PAQR5: variants seen among roughly 807,000 people sequenced by gnomAD.
PAQR5 encodes progestin and adipoQ receptor family member 5.
PAQR5 carries 20 observed loss-of-function variants against 34.5 expected under a neutral mutation model. The ratio of observed to expected loss-of-function variants is 0.58; its 90% CI spans 0.41 to 0.84. The LOEUF (loss-of-function observed/expected upper bound fraction) is 0.84, where lower values mean the gene tolerates loss of function less well. Ranked by LOEUF, PAQR5 falls within the 40% of genes least tolerant of loss-of-function variation. The pLI, the probability that PAQR5 is intolerant of heterozygous loss-of-function variation, is 0.00. For missense variants in PAQR5, 378 were observed against 412.7 expected (o/e 0.92, Z 0.73); for synonymous variants, 131 against 155.6 (o/e 0.84, Z 1.18).
chr15:69,337,138 GA>G (rs1179519203), intron 1 of PAQR5, among the ~76,000 whole-genome samples: 2 of 152,174 alleles, frequency 1.3e-5, no homozygotes, highest in Non-Finnish European at 2.9e-5. Flanking sequence ...TTTGTTTTCA[GA>G]GTAAAGATTA....
rs117019344 is a variant in PAQR5 at position 69,376,994 on chromosome 15, C to A, written c.52-2889C>A. Among the ~76,000 whole-genome samples the A allele has an allele frequency of 2.7e-4, 41 of 152,288 alleles. No homozygotes were observed. In the East Asian group the frequency reaches 7.1e-3, roughly 26 times the overall value. Reference sequence around the variant, plus strand: ...GGGTCTGTGCTCTCCTGCAGCCCTACCCAGCCTTCTCCCTGCAGGTCACCG... The same window carrying A: ...GGGTCTGTGCTCTCCTGCAGCCCTAACCAGCCTTCTCCCTGCAGGTCACCG... On this transcript the variant is annotated intron_variant, in intron 3 of 8. Transcript: ENST00000395407.
intron 3 of PAQR5, among the ~76,000 whole-genome samples, chr15:69,362,886 C>T (rs771496577): frequency 1.1e-4 from 16 of 152,282 alleles, no homozygotes; most frequent in Middle Eastern, 3.4e-3. Context: ...TCTTCCACCA[C>T]GTCCCATCCA....
At chr15:69,338,405 A>G (rs1417904867) in intron 2 of PAQR5, among the ~76,000 whole-genome samples, 2 of 152,068 alleles carry the variant, frequency 1.3e-5, no homozygotes. Flanking sequence ...TAATTGTAGA[A>G]CTCGTAATGT....
intron 2 of PAQR5, among the ~76,000 whole-genome samples, chr15:69,349,844 G>T (rs1177225171): frequency 6.6e-6 from 1 of 151,976 alleles, no homozygotes; most frequent in Admixed American, 6.6e-5. Flanking sequence ...GTTTCACCAT[G>T]TTGGCCAGGC....
chr15:69,381,567 T>C (rs1204320576), intron 4 of PAQR5, among the ~76,000 whole-genome samples: 3 of 152,198 alleles, frequency 2.0e-5, no homozygotes, highest in East Asian at 3.9e-4. Flanking sequence ...TTTTTTGCTA[T>C]GTTACAGCTG....
At chr15:69,348,377 G>C (rs1303175391) in intron 2 of PAQR5, among the ~76,000 whole-genome samples, 1 of 152,216 alleles carries the variant, frequency 6.6e-6, no homozygotes, top group Non-Finnish European at 1.5e-5. Context: ...ACTTACCTAA[G>C]GTTGCACAGG....
At chr15:69,313,705 G>C (rs148006518) in intron 1 of PAQR5, among the ~76,000 whole-genome samples, 29 of 152,286 alleles carry the variant, frequency 1.9e-4, no homozygotes, top group African/African-American at 6.7e-4. Context: ...AGGTGTTCCC[G>C]AGAGGAGGTT....
At chr15:69,332,438 A>T (rs527571347) in intron 1 of PAQR5, among the ~76,000 whole-genome samples, 58 of 152,276 alleles carry the variant, frequency 3.8e-4, no homozygotes, top group African/African-American at 1.3e-3. Context: ...TCCAGAGGAC[A>T]GGAATTTTGG....
intron 2 of PAQR5, among the ~76,000 whole-genome samples, chr15:69,357,560 G>A (rs190926825): frequency 2.6e-5 from 4 of 152,184 alleles, no homozygotes; most frequent in Admixed American, 2.6e-4. Context: ...TACCACACTT[G>A]GCCTCAGGTA....
At chr15:69,376,846 G>A (rs1353578725) in intron 3 of PAQR5, among the ~76,000 whole-genome samples, 6 of 152,154 alleles carry the variant, frequency 3.9e-5, no homozygotes, top group South Asian at 2.1e-4. Context: ...TTTTGACGAC[G>A]TCAGTCCCCC....
rs56151928 is a variant in PAQR5 at position 69,300,937 on chromosome 15, C to CTTTCTTTCTT, written c.-277+1882_-277+1883insTTCTTTCTTT. Among the ~76,000 whole-genome samples the CTTTCTTTCTT allele has an allele frequency of 9.6e-4, 5 of 5,190 alleles. 1 individual carries two copies. Among genetic ancestry groups the CTTTCTTTCTT allele is most frequent in the Non-Finnish European group, 3.6e-3 (4 of 1,110 alleles). The allele number at this position is 5,190 out of a possible 152,430, so 3.4% of individuals were successfully genotyped here. A position where few individuals can be genotyped will look rare whatever the true frequency, so the allele number is the denominator to read the frequency against. ...CCTTTCTCTCTCTCTCTCTCTCTCT[C>CTTTCTTTCTT]TCTTTCTTTCCTTCTTTCTTTCTTT... On this transcript the variant is annotated intron_variant, in intron 1 of 8. Transcript: ENST00000395407.
chr15:69,322,805 G>GAA lies in PAQR5; in HGVS notation c.-276-14536_-276-14535insAA, dbSNP rs1566998148. The stretch of plus-strand genomic sequence containing the variant: ...AAGAAGACGAGGAAGAAGAAGAAGA[G>GAA]GAAGAGGAAGAAGAAGAAGAAGAAG... On this transcript the variant is annotated intron_variant, in intron 1 of 8. Transcript: ENST00000395407. Among the ~76,000 whole-genome samples, 122 of 21,010 alleles carry GAA rather than the reference G, an allele frequency of 5.8e-3. 27 individuals carry two copies. The highest frequency in any genetic ancestry group is 0.036 in the East Asian group (22 of 610). The allele number at this position is 21,010 out of a possible 152,430, so 13.8% of individuals were successfully genotyped here. A position where few individuals can be genotyped will look rare whatever the true frequency, so the allele number is the denominator to read the frequency against.
At chr15:69,325,470 AG>A (rs567624422) in intron 1 of PAQR5, among the ~76,000 whole-genome samples, 44 of 150,530 alleles carry the variant, frequency 2.9e-4, no homozygotes, top group African/African-American at 1.0e-3. Context: ...TTGTTAGTGC[AG>A]ATCTACACTA....
chr15:69,389,536 C>T lies in PAQR5; in HGVS notation c.386-118C>T. On this transcript the variant is annotated intron_variant, in intron 5 of 8. Coordinates refer to ENST00000395407, the MANE Select transcript of PAQR5 (RefSeq NM_017705.4). ...AGGGGGAATGGCACCAGCGAGGGCG[C>T]AGAGCCAGGACTGTGGGAATGATAA... 10 of 1,322,394 alleles carry T rather than the reference C, an allele frequency of 7.6e-6. No homozygotes were observed. The South Asian group carries it at 8.0e-5, about 11-fold the overall frequency. 81.9% of individuals were successfully genotyped at this position (1,322,394 alleles called of 1,614,324 possible).
chr15:69,379,016 C>T (rs942499386), intron 3 of PAQR5, among the ~76,000 whole-genome samples: 4 of 152,192 alleles, frequency 2.6e-5, no homozygotes, highest in African/African-American at 9.7e-5. Context: ...ATCCTGCTAC[C>T]TCAACAAATT....
intron 2 of PAQR5, among the ~76,000 whole-genome samples, chr15:69,358,127 A>C (rs1434970003): frequency 6.6e-6 from 1 of 151,994 alleles, no homozygotes; most frequent in Non-Finnish European, 1.5e-5. Flanking sequence ...TAAAGGAGGA[A>C]ATTTACTATG....
chr15:69,335,648 C>G (rs574702720), intron 1 of PAQR5, among the ~76,000 whole-genome samples: 4 of 140,134 alleles, frequency 2.9e-5, no homozygotes, highest in African/African-American at 1.1e-4. Context: ...CTCCCAGGTT[C>G]AAGCCATTCT....
At chr15:69,387,935 C>G (rs754982432) in intron 5 of PAQR5, among the ~76,000 whole-genome samples, 19 of 152,172 alleles carry the variant, frequency 1.2e-4, no homozygotes, top group Non-Finnish European at 2.8e-4. Context: ...TTCTGATCCC[C>G]AGCCTGCCAG....
chr15:69,397,031 C>A (rs1018572820), intron 6 of PAQR5: 4 of 371,154 alleles, frequency 1.1e-5, no homozygotes, highest in Admixed American at 7.0e-5. Flanking sequence ...AATACCTGGG[C>A]TCCAACTAGA....
Sources: allele counts gnomAD v4.1 joint callset (sites outside exome capture counted in the v4.1 genomes callset), GRCh38; gene constraint gnomAD v4.1.1; transcripts MANE v1.5; gene names NCBI Gene and HGNC (gene_info 2026-07-23, HGNC 2026-07-21).